Variants in GTF2F2 observed in about 807,000 individuals in gnomAD.
GTF2F2 encodes general transcription factor IIF subunit 2.
A neutral mutation model predicts 42.2 loss-of-function variants in GTF2F2; 23 were observed. The observed-to-expected ratio is 0.55, with a 90% CI of 0.39 to 0.77. The LOEUF (loss-of-function observed/expected upper bound fraction) is 0.77, where lower values mean the gene tolerates loss of function less well. Ranked by LOEUF, GTF2F2 falls within the 30% of genes least tolerant of loss-of-function variation. The pLI is 0.00. For missense variants in GTF2F2, 261 were observed against 287.2 expected, an observed-to-expected ratio of 0.91 and a Z score of 0.66; for synonymous variants, 105 against 100.8, an observed-to-expected ratio of 1.04 and a Z score of -0.25.
rs867669320 is a variant in GTF2F2 at position 45,271,915 on chromosome 13, G to A, written c.630+4539G>A. On this transcript the variant is annotated intron_variant, in intron 7 of 7. Transcript: ENST00000340473. Reference sequence around the variant, plus strand: ...TCTTAGTTCAGTTTCTACTCCAAAAGGAAAAATAGGTATTTTTAATGTTTG... The same window carrying A: ...TCTTAGTTCAGTTTCTACTCCAAAAAGAAAAATAGGTATTTTTAATGTTTG... Among the ~76,000 whole-genome samples the A allele has an allele frequency of 2.0e-5, 3 of 151,894 alleles. No homozygotes were observed. In the Middle Eastern group the frequency reaches 0.01, roughly 517 times the overall value.
intron 7 of GTF2F2, among the ~76,000 whole-genome samples, chr13:45,270,518 A>G (rs1408199952): frequency 6.6e-6 from 1 of 152,070 alleles, no homozygotes; most frequent in Non-Finnish European, 1.5e-5. Context: ...CTTTTTATAA[A>G]GCCACCAATT....
chr13:45,211,908 A>G (rs1028016901), intron 5 of GTF2F2, among the ~76,000 whole-genome samples: 2 of 152,162 alleles, frequency 1.3e-5, no homozygotes, highest in African/African-American at 2.4e-5. Context: ...TTAAAGAATC[A>G]TAAGATACTA....
chr13:45,200,885 G>A (rs781508737), intron 4 of GTF2F2, among the ~76,000 whole-genome samples: 38 of 152,212 alleles, frequency 2.5e-4, no homozygotes, highest in Non-Finnish European at 4.1e-4. Flanking sequence ...CAGGTGTGAT[G>A]TAATTAAGAG....
At chr13:45,280,544 C>A (rs1414027748) in intron 7 of GTF2F2, among the ~76,000 whole-genome samples, 10 of 152,310 alleles carry the variant, frequency 6.6e-5, no homozygotes, top group African/African-American at 2.4e-4. Context: ...GATCACAGTA[C>A]ATTGTGACCC....
chr13:45,283,383 T>C (rs1428693229), intron 7 of GTF2F2, 59 bp from the exon 8 acceptor site: 1 of 1,491,842 alleles, frequency 6.7e-7, no homozygotes, highest in Non-Finnish European at 9.1e-7. Context: ...TCATCTTATT[T>C]TAAGTTTTGT....
Position 45,136,728 on chromosome 13 carries a change from T to G in GTF2F2, c.67-5T>G. 1 of 1,538,990 alleles carries G rather than the reference T, an allele frequency of 6.5e-7. No homozygotes were observed. The highest frequency in any genetic ancestry group is 9.0e-7 in the Non-Finnish European group (1 of 1,116,264). On this transcript the variant is annotated splice_region_variant and splice_polypyrimidine_tract_variant and intron_variant, in intron 1 of 7. Transcript: ENST00000340473. ...TAGACTTATTAGTGTTTTACTTTGTTTTAGGTTCCTAAATATTTGTCACAG... is the reference window on the plus strand; with the variant it reads ...TAGACTTATTAGTGTTTTACTTTGTGTTAGGTTCCTAAATATTTGTCACAG...
At chr13:45,265,005 A>G (rs1240639726) in intron 6 of GTF2F2, among the ~76,000 whole-genome samples, 3 of 152,164 alleles carry the variant, frequency 2.0e-5, no homozygotes. Flanking sequence ...TCACGCCTGT[A>G]ATCCTAGCAC....
chr13:45,124,127 C>T lies in GTF2F2; in HGVS notation c.66+3406C>T, dbSNP rs1868839477. ...GTGGTCGTTGAGGGCAATGCCAGCC[C>T]CAGCATCTAAGGTGGCGCGATCTCG... is the stretch of plus-strand genomic sequence containing the variant. On this transcript the variant is annotated intron_variant, in intron 1 of 7. Coordinates refer to ENST00000340473, the MANE Select transcript of GTF2F2 (RefSeq NM_004128.3). 3 of 693,272 alleles carry T rather than the reference C, an allele frequency of 4.3e-6. No homozygotes were observed. The Admixed American group carries it at 5.4e-5, about 13-fold the overall frequency. 42.9% of individuals were successfully genotyped at this position (693,272 alleles called of 1,614,324 possible). A position where few individuals can be genotyped will look rare whatever the true frequency, so the allele number is the denominator to read the frequency against.
At chr13:45,205,924 C>T (rs908329907) in intron 4 of GTF2F2, among the ~76,000 whole-genome samples, 1 of 152,006 alleles carries the variant, frequency 6.6e-6, no homozygotes, top group Non-Finnish European at 1.5e-5. Context: ...ATTGTTGTGA[C>T]GACTAAAGAA....
chr13:45,161,596 G>C (rs535662808), intron 4 of GTF2F2, among the ~76,000 whole-genome samples: 139 of 152,254 alleles, frequency 9.1e-4, no homozygotes, highest in African/African-American at 3.1e-3. Context: ...AATCCCAGCA[G>C]GTTGGGAGGC....
intron 5 of GTF2F2, among the ~76,000 whole-genome samples, chr13:45,224,215 G>A (rs1482662381): frequency 1.3e-5 from 2 of 152,200 alleles, no homozygotes; most frequent in African/African-American, 2.4e-5. Flanking sequence ...AGAGTTATAT[G>A]TAGTTCTTCA....
chr13:45,178,595 A>G (rs970361310), intron 4 of GTF2F2, among the ~76,000 whole-genome samples: 1 of 152,070 alleles, frequency 6.6e-6, no homozygotes, highest in South Asian at 2.1e-4. Flanking sequence ...TAGGAATAAC[A>G]TGACTTTCTT....
At chr13:45,130,483 A>G (rs934204422) in intron 1 of GTF2F2, among the ~76,000 whole-genome samples, 1 of 152,218 alleles carries the variant, frequency 6.6e-6, no homozygotes, top group South Asian at 2.1e-4. Context: ...ATTGAGAATA[A>G]ACTGTACATG....
At chr13:45,278,886 C>G (rs7327511) in intron 7 of GTF2F2, among the ~76,000 whole-genome samples, 55,818 of 137,340 alleles carry the variant, frequency 0.41, 12,719 homozygotes, top group African/African-American at 0.63. Context: ...TACAGTGGTG[C>G]GATCTCAGCT....
intron 5 of GTF2F2, among the ~76,000 whole-genome samples, chr13:45,211,733 A>G (rs1478601612): frequency 1.3e-5 from 2 of 151,924 alleles, no homozygotes; most frequent in Non-Finnish European, 2.9e-5. Flanking sequence ...TATTCCAGGC[A>G]TGTGCCACCA....
chr13:45,283,212 C>T (rs1237663127), intron 7 of GTF2F2, among the ~76,000 whole-genome samples: 5 of 152,018 alleles, frequency 3.3e-5, no homozygotes, highest in Non-Finnish European at 7.4e-5. Context: ...TGTTGGCATT[C>T]AGGACTTTCA....
chr13:45,140,637 G>C (rs1255751091), intron 2 of GTF2F2, among the ~76,000 whole-genome samples: 1 of 152,120 alleles, frequency 6.6e-6, no homozygotes, highest in Non-Finnish European at 1.5e-5. Context: ...TTTATGAGTT[G>C]TCATACTTTT....
At chr13:45,172,062 T>C (rs191742360) in intron 4 of GTF2F2, among the ~76,000 whole-genome samples, 2 of 152,288 alleles carry the variant, frequency 1.3e-5, no homozygotes, top group East Asian at 3.9e-4. Flanking sequence ...CTATGAATAT[T>C]TGTGTACAAG....
intron 7 of GTF2F2, among the ~76,000 whole-genome samples, chr13:45,273,423 A>G (rs1181852358): frequency 6.6e-6 from 1 of 152,002 alleles, no homozygotes; most frequent in Non-Finnish European, 1.5e-5. Context: ...TTTGGGGTGA[A>G]TTTAGTAATA....
Sources: allele counts gnomAD v4.1 joint callset (sites outside exome capture counted in the v4.1 genomes callset), GRCh38; gene constraint gnomAD v4.1.1; transcripts MANE v1.5; gene names NCBI Gene and HGNC (gene_info 2026-07-23, HGNC 2026-07-21).